NLRP4: variants seen among roughly 807,000 people sequenced by gnomAD.
NLRP4 encodes the protein NLR family pyrin domain containing 4.
Under a neutral mutation model 84.7 loss-of-function variants are expected in NLRP4, and 44 were observed. The observed-to-expected ratio is 0.52, with a 90% CI of 0.41 to 0.67. The LOEUF (loss-of-function observed/expected upper bound fraction) is 0.67. NLRP4 is among the 30% of genes least tolerant of loss of function. NLRP4 has a pLI of 0.00. For synonymous variants in NLRP4, 544 were observed against 476.4 expected, an observed-to-expected ratio of 1.14 and a Z score of -1.85; for missense variants, 1,260 against 1,219.4, an observed-to-expected ratio of 1.03 and a Z score of -0.50.
In NLRP4 at chr19:55,852,181, CT is replaced by C. The variant is rs775403607; in HGVS notation, c.104del (p.Leu35CysfsTer25). ...TTTAAAGAACATCTCAAGCAAATGA[CT>C]TTGCAGCTTGAACTCAAGCAGATTC... ...RKFKEHLKQMTLQLELKQIPW... is the reference protein window; with the variant it reads ...RKFKEHLKQMXLQLELKQIPW... On this transcript the variant is annotated frameshift_variant, in exon 2 of 10. Coordinates refer to ENST00000301295, the MANE Select transcript of NLRP4 (RefSeq NM_134444.5). LOFTEE classifies it high-confidence loss of function. 3.5e-5 allele frequency: 56 copies of C among 1,608,472 alleles called. No individual in the cohort carries two copies. Among genetic ancestry groups the C allele is most frequent in the Non-Finnish European group, 4.8e-5 (56 of 1,178,234 alleles).
At chr19:55,842,823 G>T (rs181912727) in intron 1 of NLRP4, among the ~76,000 whole-genome samples, 1 of 151,832 alleles carries the variant, frequency 6.6e-6, no homozygotes, top group African/African-American at 2.4e-5. Flanking sequence ...GGAGAGGTGC[G>T]ATCTCAGCTC....
chr19:55,870,376 A>G (rs908188009), intron 6 of NLRP4, among the ~76,000 whole-genome samples: 3 of 152,292 alleles, frequency 2.0e-5, no homozygotes, highest in African/African-American at 7.2e-5. Context: ...AGAAGAAATG[A>G]GAGGGCCGGA....
rs189135298 is a variant in NLRP4, at chr19:55,854,084, C to G, written c.280+1724C>G. 2.0e-3 allele frequency among the ~76,000 whole-genome samples: 298 copies of G among 152,258 alleles called. 2 individuals are homozygous for G. Among genetic ancestry groups the G allele is most frequent in the African/African-American group, 6.7e-3 (277 of 41,554 alleles). On this transcript the variant is annotated intron_variant, in intron 2 of 9. Coordinates refer to ENST00000301295, the MANE Select transcript of NLRP4 (RefSeq NM_134444.5). ...TCCTGGGTTCAAGTGATTCTCCTGC[C>G]TCAGCCTCCTGAGCAGCTGGGATTT... is the stretch of plus-strand genomic sequence containing the variant.
intron 7 of NLRP4, among the ~76,000 whole-genome samples, chr19:55,875,187 C>T (rs183632070): frequency 1.4e-4 from 21 of 152,234 alleles, no homozygotes; most frequent in Admixed American, 5.9e-4. Flanking sequence ...AAGATAAGAA[C>T]GGTGGCTATA....
In NLRP4 at chr19:55,857,705, G is replaced by A. The variant is rs771988945; in HGVS notation, c.312G>A (p.Lys104=). ...CAAAGACCTATCAAGCTCACGCAAA[G>A]CAGAAATTCAGCCGCTTATGGTCCA... The part of the protein sequence containing the change: ...GYTKTYQAHA[K]QKFSRLWSSK... Residue 104 remains lysine (K), a synonymous_variant, in exon 3 of 10, where the codon AAG becomes AAA. Coordinates refer to ENST00000301295, the MANE Select transcript of NLRP4 (RefSeq NM_134444.5). 4 of 1,613,742 alleles carry A rather than the reference G, an allele frequency of 2.5e-6. No homozygotes were observed. The highest frequency in any genetic ancestry group is 2.5e-6 in the Non-Finnish European group (3 of 1,179,930).
At chr19:55,837,814 T>A (rs1259404892) in intron 1 of NLRP4, among the ~76,000 whole-genome samples, 2 of 151,954 alleles carry the variant, frequency 1.3e-5, no homozygotes, top group Non-Finnish European at 2.9e-5. Context: ...GGTGGGTGGA[T>A]CATCTGAGCT....
intron 7 of NLRP4, among the ~76,000 whole-genome samples, chr19:55,874,437 A>G (rs1309851836): frequency 6.6e-6 from 1 of 152,188 alleles, no homozygotes; most frequent in Non-Finnish European, 1.5e-5. Context: ...GTGCAGGTCT[A>G]TGTCAAGAAT....
chr19:55,852,360 G>C lies in NLRP4; in HGVS notation c.280G>C (p.Gly94Arg). The change falls in exon 2 of 10, where the codon GGA (glycine) becomes CGA (arginine). Residue 94 changes from glycine to arginine, a missense_variant and splice_region_variant. Transcript: ENST00000301295. ...CATGAAGGTCATGAGGGAGAGAACA[G>C]GTGAGGGAGTCTGGGAAGGGGGAAG... ...LCMKVMRERT[G>R]YTKTYQAHAK... 2 of 1,580,856 alleles carry C rather than the reference G, an allele frequency of 1.3e-6. No homozygotes were observed. The highest frequency in any genetic ancestry group is 1.7e-6 in the Non-Finnish European group (2 of 1,168,750).
Position 55,858,957 on chromosome 19 carries a change from C to T in NLRP4, c.1564C>T (p.Gln522Ter). Residue 522 changes from glutamine to a stop codon, truncating the protein, a stop_gained, in exon 3 of 10, where the codon CAA becomes TAA. Coordinates refer to ENST00000301295, the MANE Select transcript of NLRP4 (RefSeq NM_134444.5). LOFTEE classifies it high-confidence loss of function. This position sits in a 1 kb window ranked among gnomAD's most constrained non-coding sequence, Gnocchi z 4.2. ...QEKLDAFFGF[Q>*]LSQEIKQQIH... ...AAAACTGGATGCGTTTTTTGGCTTC[C>T]AACTGTCCCAAGAGATAAAGCAGCA... is the stretch of plus-strand genomic sequence containing the variant. The T allele has an allele frequency of 6.2e-7, 1 of 1,614,044 alleles. No individual in the cohort carries two copies. The highest frequency in any genetic ancestry group is 8.5e-7 in the Non-Finnish European group (1 of 1,179,980).
chr19:55,853,889 T>A (rs12232871), intron 2 of NLRP4, among the ~76,000 whole-genome samples: 2 of 132,184 alleles, frequency 1.5e-5, no homozygotes, highest in Non-Finnish European at 3.1e-5. Context: ...TGCTATCTCT[T>A]TCTCTCTCTC....
At chr19:55,870,642 G>A (rs1247950529) in intron 6 of NLRP4, among the ~76,000 whole-genome samples, 185 bp from the exon 7 acceptor site, 3 of 152,166 alleles carry the variant, frequency 2.0e-5, no homozygotes, top group Non-Finnish European at 4.4e-5. Context: ...CAGCCCGGGC[G>A]ACGACAGCAA....
intron 2 of NLRP4, among the ~76,000 whole-genome samples, chr19:55,856,538 C>T (rs1449081232): frequency 7.6e-5 from 9 of 118,748 alleles, no homozygotes; most frequent in Admixed American, 4.0e-4. Flanking sequence ...TTTTTTGAGA[C>T]GGAGCCTCCT....
At chr19:55,871,024 AC>A in intron 7 of NLRP4, 27 bp downstream of exon 7, 1 of 1,608,792 alleles carries the variant, frequency 6.2e-7, no homozygotes, top group Non-Finnish European at 8.5e-7. Context: ...TTCTTTGAAG[AC>A]CAAGCCGTCT....
intron 2 of NLRP4, 50 bp from the exon 3 acceptor site, chr19:55,857,624 G>A (rs771900682): frequency 1.4e-5 from 22 of 1,562,984 alleles, no homozygotes; most frequent in Non-Finnish European, 1.9e-5. Context: ...AATATATGCA[G>A]GAATGCTTAA....
At position 55,867,656 on chromosome 19, in the gene NLRP4, A is replaced by G. The variant is rs539591878; in HGVS notation, c.2187-53A>G. 3.3e-6 allele frequency: 5 copies of G among 1,522,918 alleles called. No individual in the cohort carries two copies. The African/African-American group carries it at 5.4e-5, about 17-fold the overall frequency. 94.3% of individuals were successfully genotyped at this position (1,522,918 alleles called of 1,614,324 possible). A position where few individuals can be genotyped will look rare whatever the true frequency, so the allele number is the denominator to read the frequency against. On this transcript the variant is annotated intron_variant, in intron 5 of 9. Coordinates refer to ENST00000301295, the MANE Select transcript of NLRP4 (RefSeq NM_134444.5). The stretch of plus-strand genomic sequence containing the variant: ...GACTCTGACAGGATTGGCAAGAGGA[A>G]TGAGTCCAGGAACTAGAAACCAACA...
intron 6 of NLRP4, among the ~76,000 whole-genome samples, chr19:55,870,044 G>A (rs2123056153): frequency 6.6e-6 from 1 of 152,052 alleles, no homozygotes; most frequent in African/African-American, 2.4e-5. Flanking sequence ...GCTGCAGTGA[G>A]CTGTGATCAT....
At chr19:55,842,860 C>T (rs750006560) in intron 1 of NLRP4, among the ~76,000 whole-genome samples, 11 of 152,008 alleles carry the variant, frequency 7.2e-5, no homozygotes, top group Admixed American at 2.6e-4. Flanking sequence ...CCCGGGTTCA[C>T]GCCGTTCTCC....
intron 5 of NLRP4, among the ~76,000 whole-genome samples, chr19:55,862,938 C>T (rs1334747724): frequency 6.6e-6 from 1 of 152,208 alleles, no homozygotes; most frequent in Admixed American, 6.5e-5. Context: ...TGTATTCAGC[C>T]TTCATGGATT....
chr19:55,868,177 C>T (rs1400141220), intron 6 of NLRP4, among the ~76,000 whole-genome samples: 1 of 152,180 alleles, frequency 6.6e-6, no homozygotes, highest in Non-Finnish European at 1.5e-5. Context: ...TGGGTTAATG[C>T]ACCTGCAACA....
Sources: gnomAD v4.1 joint callset for allele counts (sites outside exome capture counted in the v4.1 genomes callset) on GRCh38, gnomAD v4.1.1 for gene constraint, Gnocchi (gnomAD v3.1) non-coding constraint, MANE v1.5 for transcripts, NCBI Gene and HGNC (gene_info 2026-07-23, HGNC 2026-07-21) for gene names.